NES: variants seen among roughly 807,000 people sequenced by gnomAD.
NES encodes the protein nestin.
Under a neutral mutation model 35.6 loss-of-function variants are expected in NES, and 27 were observed. The ratio of observed to expected loss-of-function variants is 0.76; its 90% CI spans 0.56 to 1.04. The LOEUF (loss-of-function observed/expected upper bound fraction) is 1.04. Ranked by LOEUF, NES falls within the 50% of genes least tolerant of loss-of-function variation. NES has a pLI of 0.00. For missense variants in NES, 1,867 were observed against 1,983.6 expected, an observed-to-expected ratio of 0.94 and a Z score of 1.12; for synonymous variants, 822 against 824.2, an observed-to-expected ratio of 1.00 and a Z score of 0.04.
chr1:156,673,734 C>T (rs937669844), intron 2 of NES, among the ~76,000 whole-genome samples: 2 of 152,184 alleles, frequency 1.3e-5, no homozygotes, highest in African/African-American at 4.8e-5. Flanking sequence ...CACACAAAGT[C>T]ACACTGTATT....
chr1:156,672,686 A>T lies in NES; in HGVS notation c.1502T>A (p.Ile501Asn), dbSNP rs773146777. The part of the protein sequence containing the change: ...SICRGEGEGQ[I>N]WGLVEKETAI... Reference sequence around the variant, plus strand: ...TGTTTCTTTCTCTACCAACCCCCAGATTTGCCCTTCACCTTCCCCTCGGCA... The same window carrying T: ...TGTTTCTTTCTCTACCAACCCCCAGTTTTGCCCTTCACCTTCCCCTCGGCA... Residue 501 changes from isoleucine (I) to asparagine (N), a missense_variant, in exon 4 of 4, where the codon ATC (isoleucine) becomes AAC (asparagine). Coordinates refer to ENST00000368223, the MANE Select transcript of NES (RefSeq NM_006617.2). The T allele has an allele frequency of 1.9e-6, 3 of 1,613,772 alleles. No individual in the cohort carries two copies. In the Admixed American group the frequency reaches 5.0e-5, roughly 27 times the overall value.
chr1:156,675,097 A>C, intron 2 of NES, 119 bp downstream of exon 2: 1 of 1,325,770 alleles, frequency 7.5e-7, no homozygotes, highest in Non-Finnish European at 1.0e-6. Flanking sequence ...CTAGAGTCAC[A>C]GAACCCAGTG....
At position 156,670,077 on chromosome 1, in the gene NES, C is replaced by T; in HGVS notation, c.4111G>A (p.Asp1371Asn). The change falls in exon 4 of 4, where the codon GAC (aspartate) becomes AAC (asparagine). Residue 1371 changes from aspartate to asparagine, a missense_variant. Physicochemically the swap from Asp to Asn is conservative, Grantham distance 23. Transcript: ENST00000368223. ...AGAAAAGGTGCCTCAGTCCCCAGGT[C>T]CTCAAATTCTTCTGACAGGTCAGAG... ...RDSDLSEEFE[D>N]LGTEAPFLPG... 1 of 1,614,040 alleles carries T rather than the reference C, an allele frequency of 6.2e-7. No homozygotes were observed. Among genetic ancestry groups the T allele is most frequent in the Non-Finnish European group, 8.5e-7 (1 of 1,179,954 alleles).
In NES at chr1:156,671,675, T is replaced by C; in HGVS notation, c.2513A>G (p.Glu838Gly). The C allele has an allele frequency of 6.2e-7, 1 of 1,613,728 alleles. No homozygotes were observed. Among genetic ancestry groups the C allele is most frequent in the Non-Finnish European group, 8.5e-7 (1 of 1,179,938 alleles). The change falls in exon 4 of 4, where the codon GAA (glutamate) becomes GGA (glycine). Residue 838 changes from glutamate (E) to glycine (G), a missense_variant. Glu to Gly is a moderately conservative substitution (Grantham distance 98, BLOSUM62 -2). Coordinates refer to ENST00000368223, the MANE Select transcript of NES (RefSeq NM_006617.2). ...TTGAGTTTCTGGAGATTTCAGTGTT[T>C]CCAGGTTCTCTTGTCCCGCAGACTT... ...SLKSAGQENL[E>G]TLKSPETQAP... is the part of the protein sequence containing the mutation.
chr1:156,672,444 C>T lies in NES; in HGVS notation c.1744G>A (p.Asp582Asn). 1 of 1,611,262 alleles carries T rather than the reference C, an allele frequency of 6.2e-7. No homozygotes were observed. The highest frequency in any genetic ancestry group is 8.5e-7 in the Non-Finnish European group (1 of 1,179,384). The change falls in exon 4 of 4, where the codon GAC becomes AAC. Residue 582 changes from aspartate (D) to asparagine (N), a missense_variant. Asp to Asn is a conservative substitution (Grantham distance 23, BLOSUM62 1). Coordinates refer to ENST00000368223, the MANE Select transcript of NES (RefSeq NM_006617.2). Reference sequence around the variant, plus strand: ...TCTAGACTTTTTAGTGTTTCTAAGTCTTCTTCTAAAGACCTCGGACATTCT... The same window carrying T: ...TCTAGACTTTTTAGTGTTTCTAAGTTTTCTTCTAAAGACCTCGGACATTCT... ...NQECPRSLEE[D>N]LETLKSLEKE...
chr1:156,669,759 C>T lies in NES; in HGVS notation c.4429G>A (p.Val1477Met), dbSNP rs777765737. ...AGGGCAGTCTTGGGGGCACCAGCCA[C>T]TGCACCCCTCAAGCTGTCATCCCAG... ...VPWDDSLRGA[V>M]AGAPKTALET... is the part of the protein sequence containing the mutation. The change falls in exon 4 of 4, where the codon GTG becomes ATG. Residue 1477 changes from valine (V) to methionine (M), a missense_variant. Physicochemically the swap from Val to Met is conservative, Grantham distance 21. Coordinates refer to ENST00000368223, the MANE Select transcript of NES (RefSeq NM_006617.2). 4 of 1,613,950 alleles carry T rather than the reference C, an allele frequency of 2.5e-6. No homozygotes were observed. The South Asian group carries it at 4.4e-5, about 18-fold the overall frequency.
Position 156,672,452 on chromosome 1 carries a change from A to G in NES, c.1736T>C (p.Leu579Ser). ...TTTTAGTGTTTCTAAGTCTTCTTCT[A>G]AAGACCTCGGACATTCTTGATTCTC... is the stretch of plus-strand genomic sequence containing the variant. ...ERENQECPRS[L>S]EEDLETLKSL... Residue 579 changes from leucine to serine, a missense_variant, in exon 4 of 4, where the codon TTA becomes TCA. Physicochemically the swap from Leu to Ser is moderately radical, Grantham distance 145. Transcript: ENST00000368223. The G allele has an allele frequency of 6.2e-7, 1 of 1,611,308 alleles. No homozygotes were observed. Among genetic ancestry groups the G allele is most frequent in the Non-Finnish European group, 8.5e-7 (1 of 1,179,352 alleles).
At position 156,676,647 on chromosome 1, in the gene NES, C is replaced by G; in HGVS notation, c.618G>C (p.Gln206His). The G allele has an allele frequency of 6.5e-7, 1 of 1,528,790 alleles. No individual in the cohort carries two copies. The highest frequency in any genetic ancestry group is 8.7e-7 in the Non-Finnish European group (1 of 1,150,926). 94.7% of individuals were successfully genotyped at this position (1,528,790 alleles called of 1,614,324 possible). A position where few individuals can be genotyped will look rare whatever the true frequency, so the allele number is the denominator to read the frequency against. Residue 206 changes from glutamine to histidine, a missense_variant, in exon 1 of 4, where the codon CAG (glutamine) becomes CAC (histidine). Transcript: ENST00000368223. This position sits in a 1 kb window ranked among gnomAD's most constrained non-coding sequence, Gnocchi z 5.3. The stretch of plus-strand genomic sequence containing the variant: ...CCGCCCGGCCCAGCCGCTCGCGGGC[C>G]TGGCCCAGCGACGTCTCCATGTGTG... The part of the protein sequence containing the change: ...RVAHMETSLG[Q>H]ARERLGRAVQ...
chr1:156,674,011 C>T (rs1004164330), intron 2 of NES, among the ~76,000 whole-genome samples: 10 of 152,134 alleles, frequency 6.6e-5, no homozygotes, highest in Non-Finnish European at 1.5e-4. Flanking sequence ...TCCCCGGTGG[C>T]CCCCAGAGCT....
chr1:156,670,132 C>T lies in NES; in HGVS notation c.4056G>A (p.Gly1352=), dbSNP rs1679682046. The T allele has an allele frequency of 1.2e-6, 2 of 1,614,032 alleles. No homozygotes were observed. Among genetic ancestry groups the T allele is most frequent in the Non-Finnish European group, 8.5e-7 (1 of 1,180,004 alleles). The part of the protein sequence containing the change: ...LEAPPSEKEE[G]EEGEEECGRD... The stretch of plus-strand genomic sequence containing the variant: ...GGCCACACTCCTCTTCTCCCTCCTC[C>T]CCCTCCTCCTTTTCTGAGGGTGGGG... The change falls in exon 4 of 4, where the codon GGG becomes GGA. Residue 1352 remains glycine (G), a synonymous_variant. Transcript: ENST00000368223.
At chr1:156,674,143 G>T (rs1479613607) in intron 2 of NES, among the ~76,000 whole-genome samples, 1 of 152,150 alleles carries the variant, frequency 6.6e-6, no homozygotes, top group Non-Finnish European at 1.5e-5. Flanking sequence ...TTCACTGGGG[G>T]TCAGGGCCCT....
intron 2 of NES, among the ~76,000 whole-genome samples, chr1:156,673,879 G>GCAATT (rs778841426): frequency 5.9e-5 from 9 of 152,098 alleles, no homozygotes; most frequent in Non-Finnish European, 1.3e-4. Flanking sequence ...CTGTGTGGGG[G>GCAATT]ACCGATTCTC....
rs1433038306 is a variant in NES, at chr1:156,673,030, G to C, written c.1158C>G (p.Ala386=). 1.2e-6 allele frequency: 2 copies of C among 1,611,340 alleles called. No individual in the cohort carries two copies. The highest frequency in any genetic ancestry group is 3.3e-5 in the Admixed American group (2 of 59,944). Residue 386 remains alanine (A), a synonymous_variant, in exon 4 of 4, where the codon GCC becomes GCG. Coordinates refer to ENST00000368223, the MANE Select transcript of NES (RefSeq NM_006617.2). ...EFLQARTPTL[A]STPIPPTPQA... is the part of the protein sequence containing the mutation. ...GAGGTGTGGGGGGGATGGGGGTGCT[G>C]GCCAAGGTAGGGGTACGGGCCTGGA...
chr1:156,673,295 T>C, intron 3 of NES, 90 bp from the exon 4 acceptor site: 1 of 1,309,026 alleles, frequency 7.6e-7, no homozygotes, highest in South Asian at 1.5e-5. Context: ...AGAGTATCCA[T>C]GCGCCTGCCC....
intron 1 of NES, among the ~76,000 whole-genome samples, chr1:156,675,589 G>C (rs573961045): frequency 1.8e-4 from 28 of 152,356 alleles, no homozygotes; most frequent in South Asian, 6.2e-4. Flanking sequence ...CTCTGAGGAT[G>C]CTGATTAAAT....
In NES at chr1:156,677,399, T is replaced by A; in HGVS notation, c.-135A>T. 1 of 688,230 alleles carries A rather than the reference T, an allele frequency of 1.5e-6. No individual in the cohort carries two copies. The highest frequency in any genetic ancestry group is 2.4e-6 in the Non-Finnish European group (1 of 408,808). 42.6% of individuals were successfully genotyped at this position (688,230 alleles called of 1,614,324 possible). On this transcript the variant is annotated 5_prime_UTR_variant, in exon 1 of 4. Coordinates refer to ENST00000368223, the MANE Select transcript of NES (RefSeq NM_006617.2). The surrounding 1 kb of genome is among the most constrained non-coding windows in gnomAD (Gnocchi z 4.5). Reference sequence around the variant, plus strand: ...GGGGCGGGGCGGGGTGGGAGTAGCCTGAGCGACTGAGAGTCGGGAGTGGGA... The same window carrying A: ...GGGGCGGGGCGGGGTGGGAGTAGCCAGAGCGACTGAGAGTCGGGAGTGGGA...
In NES at chr1:156,670,008, GC is replaced by G. The variant is rs1557997638; in HGVS notation, c.4179del (p.Gln1395SerfsTer55). ...PGEVAEPLGQVPQLLLDPAAW... is the reference protein window; with the variant it reads ...PGEVAEPLGQXPQLLLDPAAW... ...GCTGCAGGATCCAGTAGCAGCTGGG[GC>G]ACCTGGCCCAGAGGTTCTGCCACCT... On this transcript the variant is annotated frameshift_variant, in exon 4 of 4. Transcript: ENST00000368223. LOFTEE classifies it low-confidence loss of function (END_TRUNC). The G allele has an allele frequency of 6.2e-7, 1 of 1,613,942 alleles. No individual in the cohort carries two copies. The highest frequency in any genetic ancestry group is 1.7e-5 in the Admixed American group (1 of 60,018).
At chr1:156,675,688 A>T (rs1647260633) in intron 1 of NES, among the ~76,000 whole-genome samples, 1 of 152,094 alleles carries the variant, frequency 6.6e-6, no homozygotes, top group African/African-American at 2.4e-5. Flanking sequence ...AAGAGGGGGA[A>T]AAAAAAGCGA....
Position 156,673,108 on chromosome 1 carries a change from C to A in NES, c.1080G>T (p.Leu360Phe). The change falls in exon 4 of 4, where the codon TTG (leucine) becomes TTT (phenylalanine). Residue 360 changes from leucine (L) to phenylalanine (F), a missense_variant. Coordinates refer to ENST00000368223, the MANE Select transcript of NES (RefSeq NM_006617.2). ...GCACAGGTGTCTCAAGGGTAGCAGG[C>A]AAGGGTGAGGGGAGGGAAGTTGGGC... ...VLSPTSLPSPLPATLETPVPA... is the reference protein window; with the variant it reads ...VLSPTSLPSPFPATLETPVPA... 6.3e-7 allele frequency: 1 copy of A among 1,597,034 alleles called. No individual in the cohort carries two copies. The highest frequency in any genetic ancestry group is 1.1e-5 in the South Asian group (1 of 88,778).
Sources: allele counts gnomAD v4.1 joint callset (sites outside exome capture counted in the v4.1 genomes callset), GRCh38; gene constraint gnomAD v4.1.1; non-coding constraint Gnocchi (gnomAD v3.1); transcripts MANE v1.5; gene names NCBI Gene and HGNC (gene_info 2026-07-23, HGNC 2026-07-21).